Variants in GRIP1 observed in about 807,000 individuals in gnomAD.
GRIP1 encodes the protein glutamate receptor interacting protein 1, also known as glutamate receptor-interacting protein 1.
In GRIP1, 45 loss-of-function variants were observed where a neutral mutation model predicts 129.9. That is an observed-to-expected ratio of 0.35 (90% CI 0.27 to 0.44). The LOEUF (loss-of-function observed/expected upper bound fraction) is 0.44, where lower values mean the gene tolerates loss of function less well. GRIP1 is among the 20% of genes least tolerant of loss of function. The pLI is 1.00. For synonymous variants in GRIP1, 530 were observed against 520.8 expected, an observed-to-expected ratio of 1.02 and a Z score of -0.24; for missense variants, 1,196 against 1,396.8, an observed-to-expected ratio of 0.86 and a Z score of 2.29.
chr12:66,390,097 A>T (rs1023088259), intron 19 of GRIP1, among the ~76,000 whole-genome samples: 3 of 152,082 alleles, frequency 2.0e-5, no homozygotes, highest in African/African-American at 7.2e-5. Context: ...CTACGTGGAG[A>T]TGGGGGGCTG....
chr12:67,036,282 C>T (rs1160129437), intron 1 of GRIP1, among the ~76,000 whole-genome samples: 4 of 151,944 alleles, frequency 2.6e-5, no homozygotes, highest in African/African-American at 4.8e-5. Flanking sequence ...TCCTACTTAC[C>T]TTAACTGCTT....
intron 1 of GRIP1, among the ~76,000 whole-genome samples, chr12:66,982,198 T>G (rs1039956305): frequency 6.6e-6 from 1 of 152,216 alleles, no homozygotes; most frequent in South Asian, 2.1e-4. Context: ...CCAAACTTTG[T>G]ACTCTGCATT....
intron 1 of GRIP1, among the ~76,000 whole-genome samples, chr12:66,835,965 G>C (rs1365057463): frequency 6.6e-6 from 1 of 151,970 alleles, no homozygotes; most frequent in Non-Finnish European, 1.5e-5. Flanking sequence ...TGTGTGTATA[G>C]GGGGAGGGAA....
intron 22 of GRIP1, among the ~76,000 whole-genome samples, chr12:66,373,987 T>C (rs17102431): frequency 0.015 from 2,339 of 152,248 alleles, 63 homozygotes; most frequent in African/African-American, 0.053. Flanking sequence ...AGTCAAATGT[T>C]AGGTTGAATC....
At chr12:66,815,126 T>C (rs976245480) in intron 1 of GRIP1, among the ~76,000 whole-genome samples, 1 of 152,178 alleles carries the variant, frequency 6.6e-6, no homozygotes, top group African/African-American at 2.4e-5. Flanking sequence ...TTCATACAAA[T>C]TTGTTTTGTT....
At chr12:66,685,692 A>G (rs1360008571) in intron 1 of GRIP1, among the ~76,000 whole-genome samples, 1 of 152,194 alleles carries the variant, frequency 6.6e-6, no homozygotes, top group Non-Finnish European at 1.5e-5. Context: ...AGATCAAGGG[A>G]AGAAATTAGA....
At position 66,445,312 on chromosome 12, in the gene GRIP1, A is replaced by G. The variant is rs1235185060; in HGVS notation, c.1541+10T>C. On this transcript the variant is annotated intron_variant, in intron 12 of 24. Transcript: ENST00000359742. ...AGCAGAAAATGATGCTGTGAAAGAA[A>G]GTGTCTCACCTCTCTGCTGGGCTGT... The G allele has an allele frequency of 3.1e-6, 5 of 1,610,740 alleles. No homozygotes were observed. The highest frequency in any genetic ancestry group is 3.4e-6 in the Non-Finnish European group (4 of 1,177,022).
intron 2 of GRIP1, among the ~76,000 whole-genome samples, chr12:66,553,324 C>A (rs1186162385): frequency 1.3e-5 from 2 of 152,096 alleles, no homozygotes; most frequent in African/African-American, 4.8e-5. Flanking sequence ...CTCTCTTCCT[C>A]ATTTCCTCCC....
At chr12:66,423,132 TGA>T (rs1191918973) in intron 14 of GRIP1, among the ~76,000 whole-genome samples, 4 of 152,218 alleles carry the variant, frequency 2.6e-5, no homozygotes, top group Non-Finnish European at 5.9e-5. Flanking sequence ...GTGTCATGAT[TGA>T]GAGACAGGAC....
chr12:66,936,666 C>T (rs1290898633), intron 1 of GRIP1, among the ~76,000 whole-genome samples: 1 of 152,124 alleles, frequency 6.6e-6, no homozygotes, highest in Non-Finnish European at 1.5e-5. Flanking sequence ...CCTGGGCACC[C>T]CTGAGCTTGT....
At chr12:66,510,602 T>C (rs1249148414) in intron 7 of GRIP1, among the ~76,000 whole-genome samples, 1 of 152,182 alleles carries the variant, frequency 6.6e-6, no homozygotes. Context: ...TTCAAAAAAA[T>C]TGTCCTTAAA....
Position 66,420,792 on chromosome 12 carries a change from G to A in GRIP1, c.1769-3C>T, listed in dbSNP as rs1179528545. 9.9e-6 allele frequency: 15 copies of A among 1,513,814 alleles called. No homozygotes were observed. Among genetic ancestry groups the A allele is most frequent in the East Asian group, 2.3e-5 (1 of 44,408 alleles). 93.8% of individuals were successfully genotyped at this position (1,513,814 alleles called of 1,614,324 possible). A position where few individuals can be genotyped will look rare whatever the true frequency, so the allele number is the denominator to read the frequency against. On this transcript the variant is annotated splice_polypyrimidine_tract_variant and splice_region_variant and intron_variant, in intron 14 of 24. Transcript: ENST00000359742. ...TCCTGGTTTTCTACTGGATGGTGCT[G>A]TAATAATGGAGATAGAATAATCACA...
At chr12:66,754,896 T>C (rs1372386717) in intron 1 of GRIP1, among the ~76,000 whole-genome samples, 1 of 152,148 alleles carries the variant, frequency 6.6e-6, no homozygotes, top group East Asian at 1.9e-4. Flanking sequence ...TTGGCTATCA[T>C]GAAATTGATC....
At chr12:66,571,220 C>G (rs1010452992) in intron 2 of GRIP1, among the ~76,000 whole-genome samples, 1 of 152,194 alleles carries the variant, frequency 6.6e-6, no homozygotes, top group African/African-American at 2.4e-5. Context: ...GTGAAAGTCA[C>G]TTTCACACGA....
chr12:66,956,125 C>CT (rs1444490570), intron 1 of GRIP1, among the ~76,000 whole-genome samples: 8 of 152,220 alleles, frequency 5.3e-5, no homozygotes, highest in Non-Finnish European at 8.8e-5. Context: ...CCAAACTCGG[C>CT]TTTTTTTGGG....
chr12:66,894,814 G>GT (rs1433042089), intron 1 of GRIP1, among the ~76,000 whole-genome samples: 1 of 152,188 alleles, frequency 6.6e-6, no homozygotes, highest in Non-Finnish European at 1.5e-5. Context: ...CAGTTACTGT[G>GT]TTGAAACATT....
In GRIP1 at chr12:66,450,023, G is replaced by A. The variant is rs559947243; in HGVS notation, c.1355-4515C>T. The stretch of plus-strand genomic sequence containing the variant: ...CTTCACTAAGAAAGAGCCAAGAGCC[G>A]GGCGCGGTGGCTCACGCCTGTAATC... On this transcript the variant is annotated intron_variant, in intron 11 of 24. Coordinates refer to ENST00000359742, the MANE Select transcript of GRIP1 (RefSeq NM_001366722.1). Among the ~76,000 whole-genome samples the A allele has an allele frequency of 4.9e-4, 74 of 151,906 alleles. 1 individual carries two copies. In the South Asian group the frequency reaches 0.014, roughly 29 times the overall value.
chr12:66,460,520 G>A (rs928644175), intron 9 of GRIP1, among the ~76,000 whole-genome samples: 1 of 152,122 alleles, frequency 6.6e-6, no homozygotes, highest in African/African-American at 2.4e-5. Flanking sequence ...ATCCAATTAT[G>A]TCTCCTGAAA....
At chr12:66,750,626 G>A (rs998371384) in intron 1 of GRIP1, among the ~76,000 whole-genome samples, 1 of 152,168 alleles carries the variant, frequency 6.6e-6, no homozygotes, top group Admixed American at 6.5e-5. Flanking sequence ...AATCCCAGAG[G>A]CAACAGGGTC....
Sources: gnomAD v4.1 joint callset for allele counts (sites outside exome capture counted in the v4.1 genomes callset) on GRCh38, gnomAD v4.1.1 for gene constraint, MANE v1.5 for transcripts, NCBI Gene and HGNC (gene_info 2026-07-23, HGNC 2026-07-21) for gene names.